TOMM20L: variants seen among roughly 807,000 people sequenced by gnomAD.
TOMM20L encodes TOMM20-like protein 1.
A neutral mutation model predicts 20.4 loss-of-function variants in TOMM20L; 19 were observed. That is an observed-to-expected ratio of 0.93 (90% confidence interval 0.65 to 1.36). The LOEUF (loss-of-function observed/expected upper bound fraction) is 1.36. Ranked by LOEUF, TOMM20L falls within the 40% of genes most tolerant of loss-of-function variation. The pLI, the probability that TOMM20L is intolerant of heterozygous loss-of-function variation, is 0.00. For missense variants in TOMM20L, 218 were observed against 203.7 expected (o/e 1.07, Z -0.43); for synonymous variants, 75 against 79.6 (o/e 0.94, Z 0.30).
At chr14:58,411,074 T>G (rs2036199658), downstream of TOMM20L, 1 of 643,110 alleles carries the variant, frequency 1.6e-6, no homozygotes, top group Admixed American at 2.8e-5. Flanking sequence ...CTAACTTAAA[T>G]GGGTACAGTA....
downstream of TOMM20L, chr14:58,409,020 C>T: frequency 6.3e-7 from 1 of 1,597,284 alleles, no homozygotes; most frequent in Non-Finnish European, 8.5e-7. Flanking sequence ...AAAAGTTCAT[C>T]CATCAGGACT....
intron 2 of TOMM20L, among the ~76,000 whole-genome samples, chr14:58,396,917 A>C (rs1207334377): frequency 2.0e-5 from 3 of 152,230 alleles, no homozygotes; most frequent in Non-Finnish European, 4.4e-5. Context: ...AACATGGTGA[A>C]AGCCTGTCTC....
At chr14:58,408,709 C>T (rs1399301102), downstream of TOMM20L, 2 of 884,018 alleles carry the variant, frequency 2.3e-6, no homozygotes, top group African/African-American at 1.8e-5. Context: ...CATACATGAT[C>T]GAACACATAA....
chr14:58,401,486 C>T (rs147349211), intron 2 of TOMM20L, among the ~76,000 whole-genome samples: 4 of 151,010 alleles, frequency 2.6e-5, no homozygotes, highest in East Asian at 3.9e-4. Context: ...AGGAGAATGG[C>T]GTGAACCTGG....
intron 4 of TOMM20L, among the ~76,000 whole-genome samples, chr14:58,408,177 G>A (rs2036093914): frequency 6.6e-6 from 1 of 152,184 alleles, no homozygotes; most frequent in African/African-American, 2.4e-5. Context: ...AGCACTTTGG[G>A]AGGCTGAGGC....
intron 2 of TOMM20L, among the ~76,000 whole-genome samples, chr14:58,396,638 CAG>C (rs1566740834): frequency 6.6e-6 from 1 of 152,258 alleles, no homozygotes. Context: ...TTTGCCCTGT[CAG>C]AGCCGCACAG....
chr14:58,412,010 A>G (rs879261420), downstream of TOMM20L: 5 of 1,501,698 alleles, frequency 3.3e-6, no homozygotes, highest in South Asian at 4.5e-5. Flanking sequence ...CAATCTATAA[A>G]CAAATGTTTT....
Position 58,400,389 on chromosome 14 carries a change from T to C in TOMM20L, c.181-2291T>C, listed in dbSNP as rs138018945. Among the ~76,000 whole-genome samples the C allele has an allele frequency of 5.2e-3, 704 of 134,334 alleles. 6 individuals are homozygous for C. Among genetic ancestry groups the C allele is most frequent in the African/African-American group, 0.019 (659 of 34,552 alleles). The allele number at this position is 134,334 out of a possible 152,430, so 88.1% of individuals were successfully genotyped here. On this transcript the variant is annotated intron_variant, in intron 2 of 4. Coordinates refer to ENST00000360945, the MANE Select transcript of TOMM20L (RefSeq NM_207377.3). Reference sequence around the variant, plus strand: ...GTGAGCCAAGATCACACCACTGCACTCCAGCCTGGGCAACAGAGTGAGACT... The same window carrying C: ...GTGAGCCAAGATCACACCACTGCACCCCAGCCTGGGCAACAGAGTGAGACT...
chr14:58,409,887 AT>A (rs2036157832), downstream of TOMM20L, among the ~76,000 whole-genome samples: 1 of 151,700 alleles, frequency 6.6e-6, no homozygotes, highest in Non-Finnish European at 1.5e-5. Context: ...CTATTTATTT[AT>A]TTTTTTGAGA....
chr14:58,409,709 G>A (rs1337490431), downstream of TOMM20L, among the ~76,000 whole-genome samples: 1 of 151,988 alleles, frequency 6.6e-6, no homozygotes, highest in African/African-American at 2.4e-5. Context: ...ATCCCGAGTA[G>A]CTGGGACTAC....
intron 3 of TOMM20L, among the ~76,000 whole-genome samples, chr14:58,403,086 G>T (rs903742740): frequency 6.6e-6 from 1 of 152,212 alleles, no homozygotes; most frequent in Non-Finnish European, 1.5e-5. Flanking sequence ...GCCAGGTGTG[G>T]TGGCTCATAC....
downstream of TOMM20L, chr14:58,408,709 C>A: frequency 2.3e-6 from 2 of 884,126 alleles, no homozygotes; most frequent in Non-Finnish European, 3.4e-6. Flanking sequence ...CATACATGAT[C>A]GAACACATAA....
At chr14:58,409,062 T>G, downstream of TOMM20L, 1 of 1,613,928 alleles carries the variant, frequency 6.2e-7, no homozygotes. Context: ...GAGTCCTGCT[T>G]TGGCTGCCAG....
downstream of TOMM20L, chr14:58,411,837 T>C (rs181661407): frequency 1.5e-4 from 215 of 1,443,216 alleles, 1 homozygote; most frequent in African/African-American, 2.7e-3. Flanking sequence ...GCACCCAGCC[T>C]GACATGGTGG....
At chr14:58,403,913 T>G (rs2036021183) in intron 3 of TOMM20L, among the ~76,000 whole-genome samples, 1 of 149,688 alleles carries the variant, frequency 6.7e-6, no homozygotes, top group South Asian at 2.1e-4. Context: ...CTTCATAATA[T>G]TGTCAGGCAA....
chr14:58,412,677 G>A (rs2036259933), downstream of TOMM20L, among the ~76,000 whole-genome samples: 4 of 152,066 alleles, frequency 2.6e-5, no homozygotes. Flanking sequence ...AAGACATGTG[G>A]ATCACTTGAG....
chr14:58,408,805 C>T, downstream of TOMM20L: 1 of 692,258 alleles, frequency 1.4e-6, no homozygotes, highest in Non-Finnish European at 2.3e-6. Flanking sequence ...CATAAGGCCT[C>T]AACAAATGTT....
Position 58,396,330 on chromosome 14 carries a change from CA to C in TOMM20L, c.170del (p.Gln57ArgfsTer46), listed in dbSNP as rs752079244. On this transcript the variant is annotated frameshift_variant, in exon 2 of 5. Coordinates refer to ENST00000360945, the MANE Select transcript of TOMM20L (RefSeq NM_207377.3). LOFTEE classifies it high-confidence loss of function. ...AGCAGAGCCTCAAAAGGCTGAGGAG[CA>C]GGGCACGCAGGTGCAGTGCTTTCGA... ...RRAEPQKAEE[Q>X]GTQLWDPTKN... 2,268 of 1,613,314 alleles carry C rather than the reference CA, an allele frequency of 1.4e-3. 3 individuals are homozygous for C. The highest frequency in any genetic ancestry group is 3.4e-3 in the Admixed American group (206 of 60,002).
In TOMM20L at chr14:58,402,651, C is replaced by G. The variant is rs113010564; in HGVS notation, c.181-29C>G. 2.7e-5 allele frequency: 42 copies of G among 1,535,366 alleles called. 1 individual carries two copies. In the African/African-American group the frequency reaches 4.9e-4, roughly 18 times the overall value. Reference sequence around the variant, plus strand: ...AGCCATATACCTTACCTTCATTACTCATTGTTGAATATTTTATGAATATTT... The same window carrying G: ...AGCCATATACCTTACCTTCATTACTGATTGTTGAATATTTTATGAATATTT... On this transcript the variant is annotated intron_variant, in intron 2 of 4. Transcript: ENST00000360945.
Sources: allele counts gnomAD v4.1 joint callset (sites outside exome capture counted in the v4.1 genomes callset), GRCh38; gene constraint gnomAD v4.1.1; transcripts MANE v1.5; gene names NCBI Gene and HGNC (gene_info 2026-07-23, HGNC 2026-07-21).